THAP5: variants seen among roughly 807,000 people sequenced by gnomAD.
The protein encoded by THAP5 is THAP domain containing 5, also known as THAP domain-containing protein 5.
In THAP5, 26 loss-of-function variants were observed where a neutral mutation model predicts 34.0. That is an observed-to-expected ratio of 0.77 (90% CI 0.56 to 1.06). The LOEUF (loss-of-function observed/expected upper bound fraction) is 1.06. THAP5 is among the 50% of genes least tolerant of loss of function. The pLI is 0.00. For synonymous variants in THAP5, 125 were observed against 153.0 expected (o/e 0.82, Z 1.35); for missense variants, 394 against 452.8 (o/e 0.87, Z 1.18).
At chr7:108,548,523 C>G in the THAP5 span, among the ~76,000 whole-genome samples, 10 of 152,142 alleles carry the variant, frequency 6.6e-5, no homozygotes, top group Non-Finnish European at 1.3e-4. Flanking sequence ...TAGGTCAGCC[C>G]TTGTATTAGT....
In THAP5 at chr7:108,564,728, T is replaced by C. The variant is rs142576735; in HGVS notation, c.651A>G (p.Gln217=). ...CAAGAACTTCTTGAGTTTCCAAAGATTGATGAATACTTTCTGAATTTGAAG... is the reference window on the plus strand; with the variant it reads ...CAAGAACTTCTTGAGTTTCCAAAGACTGATGAATACTTTCTGAATTTGAAG... The part of the protein sequence containing the change: ...LTTSNSESIH[Q]SLETQEVLEV... The change falls in exon 3 of 3, where the codon CAA becomes CAG. Residue 217 remains glutamine (Q), a synonymous_variant. Coordinates refer to ENST00000415914, the MANE Select transcript of THAP5 (RefSeq NM_001130475.3). The C allele has an allele frequency of 8.5e-5, 137 of 1,613,764 alleles. 1 individual carries two copies. The highest frequency in any genetic ancestry group is 1.1e-4 in the Non-Finnish European group (135 of 1,179,828).
At chr7:108,557,985 G>A (rs1228686959), downstream of THAP5, among the ~76,000 whole-genome samples, 3 of 152,180 alleles carry the variant, frequency 2.0e-5, no homozygotes, top group Non-Finnish European at 4.4e-5. Flanking sequence ...AAGGCAAAAA[G>A]GAAGCAAGCA....
chr7:108,569,597 G>T lies in THAP5; in HGVS notation c.-28C>A, dbSNP rs1790568026. The T allele has an allele frequency of 6.5e-7, 1 of 1,549,934 alleles. No homozygotes were observed. The highest frequency in any genetic ancestry group is 8.7e-7 in the Non-Finnish European group (1 of 1,147,000). On this transcript the variant is annotated 5_prime_UTR_variant, in exon 1 of 3. Coordinates refer to ENST00000415914, the MANE Select transcript of THAP5 (RefSeq NM_001130475.3). ...CTCGGGTGAGGCCCCTGGAGACCGG[G>T]GCCGGCGACGGATGCAGGGCGGCCC...
downstream of THAP5, among the ~76,000 whole-genome samples, chr7:108,559,521 T>C (rs1864411562): frequency 6.6e-6 from 1 of 152,246 alleles, no homozygotes; most frequent in African/African-American, 2.4e-5. Context: ...TGCTAACAGA[T>C]TAATGATGTA....
rs1335504802 is a variant in THAP5, at chr7:108,564,631, T to C, written c.748A>G (p.Asn250Asp). ...NSMEIKSAQE[N>D]PFLFSTINQT... The stretch of plus-strand genomic sequence containing the variant: ...TTAATTGTGCTGAATAAGAATGGAT[T>C]TTCCTGTGCTGACTTTATTTCCATG... The change falls in exon 3 of 3, where the codon AAT becomes GAT. Residue 250 changes from asparagine to aspartate, a missense_variant. Physicochemically the swap from Asn to Asp is conservative, Grantham distance 23. Coordinates refer to ENST00000415914, the MANE Select transcript of THAP5 (RefSeq NM_001130475.3). The C allele has an allele frequency of 2.5e-6, 4 of 1,613,992 alleles. No individual in the cohort carries two copies. The highest frequency in any genetic ancestry group is 3.3e-5 in the Admixed American group (2 of 60,030).
At chr7:108,567,326 ACTT>A (rs1228397598) in intron 1 of THAP5, among the ~76,000 whole-genome samples, 3 of 152,162 alleles carry the variant, frequency 2.0e-5, no homozygotes, top group Non-Finnish European at 2.9e-5. Flanking sequence ...AGAGGACCTG[ACTT>A]CTTCTGGCCA....
Position 108,563,089 on chromosome 7 carries a change from TA to T in THAP5, c.*1101del, listed in dbSNP as rs1790393120. 6.6e-6 allele frequency: 1 copy of T among 152,218 alleles called. No homozygotes were observed. The allele number at this position is 152,218 out of a possible 1,614,324, so 9.4% of individuals were successfully genotyped here. ...TTTTTGGTTTATAAGTTTAACTGTATAAATACAGAAAGTTTAGCTTAGATGA... is the reference window on the plus strand; with the variant it reads ...TTTTTGGTTTATAAGTTTAACTGTATAATACAGAAAGTTTAGCTTAGATGA... On this transcript the variant is annotated 3_prime_UTR_variant, in exon 3 of 3. Transcript: ENST00000415914.
chr7:108,543,075 T>C, the THAP5 span, among the ~76,000 whole-genome samples: 34,414 of 151,818 alleles, frequency 0.23, 5,089 homozygotes, highest in Non-Finnish European at 0.34. Context: ...TACAGGTGCC[T>C]GTCACCACGC....
At chr7:108,548,301 T>A in the THAP5 span, among the ~76,000 whole-genome samples, 1 of 152,304 alleles carries the variant, frequency 6.6e-6, no homozygotes, top group African/African-American at 2.4e-5. Context: ...AAAATATTTA[T>A]GGAGCTCTGA....
At chr7:108,547,272 T>C in the THAP5 span, among the ~76,000 whole-genome samples, 12 of 152,232 alleles carry the variant, frequency 7.9e-5, no homozygotes, top group Non-Finnish European at 1.6e-4. Flanking sequence ...TCTAGTCTCA[T>C]GCCAGTGAAT....
chr7:108,561,038 C>T (rs1264163962), downstream of THAP5, among the ~76,000 whole-genome samples: 3 of 152,046 alleles, frequency 2.0e-5, no homozygotes, highest in Non-Finnish European at 2.9e-5. Context: ...CTGCCTGTAC[C>T]GCAACTTCTG....
chr7:108,544,708 G>C, the THAP5 span, among the ~76,000 whole-genome samples: 1 of 151,994 alleles, frequency 6.6e-6, no homozygotes, highest in South Asian at 2.1e-4. Context: ...CCAGGCTGGA[G>C]TAGCAGAGGT....
At position 108,569,615 on chromosome 7, in the gene THAP5, G is replaced by C. The variant is rs1027797569; in HGVS notation, c.-46C>G. On this transcript the variant is annotated 5_prime_UTR_variant, in exon 1 of 3. Coordinates refer to ENST00000415914, the MANE Select transcript of THAP5 (RefSeq NM_001130475.3). ...AGACCGGGGCCGGCGACGGATGCAG[G>C]GCGGCCCTCCTCACTGAGGATGCGC... 1 of 1,547,268 alleles carries C rather than the reference G, an allele frequency of 6.5e-7. No homozygotes were observed. Among genetic ancestry groups the C allele is most frequent in the African/African-American group, 1.4e-5 (1 of 73,004 alleles).
downstream of THAP5, among the ~76,000 whole-genome samples, chr7:108,551,365 G>A (rs1173785901): frequency 6.6e-6 from 1 of 152,180 alleles, no homozygotes; most frequent in Non-Finnish European, 1.5e-5. Context: ...GGGCTTGCAA[G>A]AATGTGTTCC....
downstream of THAP5, among the ~76,000 whole-genome samples, chr7:108,559,095 AG>A (rs1864408496): frequency 6.6e-6 from 1 of 152,232 alleles, no homozygotes; most frequent in Admixed American, 6.5e-5. Context: ...CAATGCTTAA[AG>A]GGGGAACAAA....
intron 1 of THAP5, chr7:108,569,035 A>T: frequency 4.3e-6 from 4 of 920,468 alleles, no homozygotes; most frequent in Non-Finnish European, 3.9e-6. Context: ...TCGGTTACCT[A>T]ATCATTCCGG....
chr7:108,554,792 C>T (rs573653073), exon 2 of THAP5: 2 of 152,294 alleles, frequency 1.3e-5, no homozygotes, highest in African/African-American at 4.8e-5. Context: ...CCTTATTCTT[C>T]ACTACTGTAG....
intron 1 of THAP5, among the ~76,000 whole-genome samples, chr7:108,556,437 A>C (rs1470436579): frequency 6.6e-6 from 1 of 152,250 alleles, no homozygotes; most frequent in African/African-American, 2.4e-5. Context: ...GTGGGGGTAC[A>C]GGCATTGGGT....
chr7:108,569,170 T>C (rs1790554878), intron 1 of THAP5: 1 of 1,217,954 alleles, frequency 8.2e-7, no homozygotes, highest in Non-Finnish European at 1.0e-6. Context: ...TAAATGGTGG[T>C]TAATGTTGTT....
Sources: gnomAD v4.1 joint callset for allele counts (sites outside exome capture counted in the v4.1 genomes callset) on GRCh38, gnomAD v4.1.1 for gene constraint, MANE v1.5 for transcripts, NCBI Gene and HGNC (gene_info 2026-07-23, HGNC 2026-07-21) for gene names.